Variants in SCHIP1 observed in about 807,000 individuals in gnomAD.
SCHIP1 encodes schwannomin-interacting protein 1.
In SCHIP1, 8 loss-of-function variants were observed where a neutral mutation model predicts 29.7. The observed-to-expected ratio is 0.27, with a 90% CI of 0.16 to 0.49. The LOEUF (loss-of-function observed/expected upper bound fraction) is 0.49. Ranked by LOEUF, SCHIP1 falls within the 20% of genes least tolerant of loss-of-function variation. The pLI, the probability that SCHIP1 is intolerant of heterozygous loss-of-function variation, is 0.99. For missense variants in SCHIP1, 193 were observed against 294.6 expected, an observed-to-expected ratio of 0.66 and a Z score of 2.52; for synonymous variants, 76 against 94.9, an observed-to-expected ratio of 0.80 and a Z score of 1.16.
At chr3:159,440,493 A>G in the SCHIP1 span, among the ~76,000 whole-genome samples, 4 of 152,202 alleles carry the variant, frequency 2.6e-5, no homozygotes, top group African/African-American at 9.7e-5. Flanking sequence ...AGTCTGAAGA[A>G]AGAAGGACAA....
the SCHIP1 span, among the ~76,000 whole-genome samples, chr3:159,635,714 C>A: frequency 2.6e-5 from 4 of 152,162 alleles, no homozygotes; most frequent in Non-Finnish European, 4.4e-5. Context: ...ACTCTCATTT[C>A]AACATTTCAG....
the SCHIP1 span, among the ~76,000 whole-genome samples, chr3:159,478,316 A>G: frequency 2.0e-5 from 3 of 152,202 alleles, no homozygotes; most frequent in East Asian, 5.8e-4. Flanking sequence ...AGTTTCCCCA[A>G]CACCATTTGT....
intron 5 of SCHIP1, 26 bp downstream of exon 6, chr3:159,888,969 A>G: frequency 6.2e-7 from 1 of 1,610,878 alleles, no homozygotes; most frequent in South Asian, 1.1e-5. Flanking sequence ...GCTTGAAAAT[A>G]GGATATTCAA....
the SCHIP1 span, among the ~76,000 whole-genome samples, chr3:159,330,664 A>C: frequency 6.6e-6 from 1 of 152,212 alleles, no homozygotes; most frequent in Non-Finnish European, 1.5e-5. Flanking sequence ...CAGCTCATAA[A>C]GAACCAGTAT....
the SCHIP1 span, among the ~76,000 whole-genome samples, chr3:159,745,215 G>C: frequency 6.6e-6 from 1 of 152,226 alleles, no homozygotes; most frequent in South Asian, 2.1e-4. Flanking sequence ...CCCTGCATTT[G>C]GTTCCTTTGA....
At chr3:159,731,689 G>A in the SCHIP1 span, among the ~76,000 whole-genome samples, 1 of 152,166 alleles carries the variant, frequency 6.6e-6, no homozygotes, top group Non-Finnish European at 1.5e-5. Context: ...TCTTTGAGGC[G>A]AGCAAGATCC....
the SCHIP1 span, among the ~76,000 whole-genome samples, chr3:159,817,360 A>G: frequency 6.6e-6 from 1 of 152,176 alleles, no homozygotes; most frequent in African/African-American, 2.4e-5. Flanking sequence ...CAATGACAGC[A>G]GCACTGAGCA....
the SCHIP1 span, among the ~76,000 whole-genome samples, chr3:159,425,256 A>C: frequency 2.0e-5 from 3 of 152,196 alleles, no homozygotes; most frequent in Non-Finnish European, 4.4e-5. Context: ...CAAATTGGAT[A>C]AAGAGTCAAG....
the SCHIP1 span, among the ~76,000 whole-genome samples, chr3:159,613,411 G>A: frequency 6.6e-6 from 1 of 152,176 alleles, no homozygotes; most frequent in Non-Finnish European, 1.5e-5. Flanking sequence ...GTAAAATTGA[G>A]TCAAGTAAAT....
At chr3:159,631,400 AGT>A in the SCHIP1 span, among the ~76,000 whole-genome samples, 5 of 152,244 alleles carry the variant, frequency 3.3e-5, no homozygotes, top group African/African-American at 7.2e-5. Context: ...CAATGTTCAT[AGT>A]GGCATGAGTC....
chr3:159,837,607 C>G (rs115826551), upstream of SCHIP1, among the ~76,000 whole-genome samples: 1 of 152,030 alleles, frequency 6.6e-6, no homozygotes, highest in Non-Finnish European at 1.5e-5. Flanking sequence ...CCTGTAGTCC[C>G]GGCTACTCCG....
the SCHIP1 span, among the ~76,000 whole-genome samples, chr3:159,549,481 G>C: frequency 6.6e-6 from 1 of 152,074 alleles, no homozygotes. Context: ...CTTTCTGATA[G>C]GATTAGTGTC....
chr3:159,304,772 G>A, the SCHIP1 span, among the ~76,000 whole-genome samples: 6 of 152,116 alleles, frequency 3.9e-5, no homozygotes, highest in Non-Finnish European at 7.3e-5. Flanking sequence ...ATTGGCCTGT[G>A]TCTTGTCTAT....
chr3:159,502,033 G>A, the SCHIP1 span, among the ~76,000 whole-genome samples: 4 of 152,166 alleles, frequency 2.6e-5, no homozygotes, highest in African/African-American at 7.2e-5. Flanking sequence ...CCACTAGTTA[G>A]TTCCACTGGC....
the SCHIP1 span, among the ~76,000 whole-genome samples, chr3:159,664,550 A>G: frequency 2.6e-5 from 4 of 152,218 alleles, no homozygotes; most frequent in African/African-American, 9.6e-5. Flanking sequence ...TATAAGTTCA[A>G]TAGAGTTTTC....
At chr3:159,584,257 A>G in the SCHIP1 span, among the ~76,000 whole-genome samples, 2 of 152,184 alleles carry the variant, frequency 1.3e-5, no homozygotes, top group African/African-American at 4.8e-5. Flanking sequence ...CCTGATGAGG[A>G]TACACTGCGG....
the SCHIP1 span, among the ~76,000 whole-genome samples, chr3:159,584,228 C>G: frequency 6.6e-6 from 1 of 152,174 alleles, no homozygotes; most frequent in African/African-American, 2.4e-5. Flanking sequence ...TTGGCTCCTT[C>G]TTAATTTATG....
At chr3:159,704,235 G>A in the SCHIP1 span, among the ~76,000 whole-genome samples, 1 of 151,890 alleles carries the variant, frequency 6.6e-6, no homozygotes, top group Non-Finnish European at 1.5e-5. Context: ...AGGAGTTCAA[G>A]GTCAGCCTGG....
At chr3:159,639,167 T>G in the SCHIP1 span, among the ~76,000 whole-genome samples, 1 of 152,168 alleles carries the variant, frequency 6.6e-6, no homozygotes, top group African/African-American at 2.4e-5. Context: ...GAAGGCCAAG[T>G]TTAGCAGGCA....
Sources: allele counts gnomAD v4.1 joint callset (sites outside exome capture counted in the v4.1 genomes callset), GRCh38; gene constraint gnomAD v4.1.1; transcripts MANE v1.5; gene names NCBI Gene and HGNC (gene_info 2026-07-23, HGNC 2026-07-21).